The following CACNA1B variants were observed in gnomAD, a reference collection of about 807,000 sequenced individuals.
The protein encoded by CACNA1B is calcium voltage-gated channel subunit alpha1 B, also known as voltage-dependent N-type calcium channel subunit alpha-1B.
Under a neutral mutation model 247.2 loss-of-function variants are expected in CACNA1B, and 70 were observed. The ratio of observed to expected loss-of-function variants is 0.28; its 90% CI spans 0.23 to 0.35. CACNA1B has a LOEUF of 0.35. Among genes scored for constraint, CACNA1B ranks in the 10% least tolerant of loss-of-function variants. The pLI is 1.00. For synonymous variants in CACNA1B, 1,231 were observed against 1,294.4 expected (o/e 0.95, Z 1.05); for missense variants, 2,367 against 3,197.4 (o/e 0.74, Z 6.26).
chr9:137,934,452 C>T (rs983148865), intron 6 of CACNA1B, among the ~76,000 whole-genome samples: 22 of 152,184 alleles, frequency 1.4e-4, no homozygotes, highest in African/African-American at 4.8e-4. Context: ...AGTTCCCACT[C>T]GGATGGCCAG....
At position 137,957,095 on chromosome 9, in the gene CACNA1B, ACCTGGGGCCATGAGAGGGAG is replaced by A. The variant is rs1957958091; in HGVS notation, c.1243+271_1243+290del. On this transcript the variant is annotated intron_variant, in intron 9 of 46. Transcript: ENST00000371372. This position sits in a 1 kb window ranked among gnomAD's most constrained non-coding sequence, Gnocchi z 4.7. ...AGACCATGGGAGGGCTCATGGCACA[ACCTGGGGCCATGAGAGGGAG>A]CCCGGGCCCCACTGCTGTGGTTGCT... Among the ~76,000 whole-genome samples, 1 of 152,168 alleles carries A rather than the reference ACCTGGGGCCATGAGAGGGAG, an allele frequency of 6.6e-6. No individual in the cohort carries two copies. Among genetic ancestry groups the A allele is most frequent in the Non-Finnish European group, 1.5e-5 (1 of 68,012 alleles).
Position 137,950,718 on chromosome 9 carries a change from T to C in CACNA1B, c.967-1556T>C, listed in dbSNP as rs965458588. Among the ~76,000 whole-genome samples, 1 of 152,200 alleles carries C rather than the reference T, an allele frequency of 6.6e-6. No individual in the cohort carries two copies. The highest frequency in any genetic ancestry group is 2.4e-5 in the African/African-American group (1 of 41,458). ...CTTGGGCATTTCCAAATTTTAGGCT[T>C]CAGCAGCTCCAAATGTGGGATATAA... On this transcript the variant is annotated intron_variant, in intron 6 of 46. Transcript: ENST00000371372. The surrounding 1 kb of genome is among the most constrained non-coding windows in gnomAD (Gnocchi z 4.8).
intron 6 of CACNA1B, among the ~76,000 whole-genome samples, chr9:137,942,610 A>T (rs749743391): frequency 6.6e-6 from 1 of 152,146 alleles, no homozygotes; most frequent in Non-Finnish European, 1.5e-5. Flanking sequence ...AGAAACTGTG[A>T]TATATATATG....
At chr9:137,916,200 T>G (rs1323058838) in intron 5 of CACNA1B, among the ~76,000 whole-genome samples, 3 of 151,978 alleles carry the variant, frequency 2.0e-5, no homozygotes, top group African/African-American at 7.3e-5. Context: ...GCCCAGCTAA[T>G]TTTTTGTATT....
chr9:138,110,422 A>T (rs527438895), intron 39 of CACNA1B, among the ~76,000 whole-genome samples: 1 of 152,188 alleles, frequency 6.6e-6, no homozygotes, highest in African/African-American at 2.4e-5. Flanking sequence ...ACCACAAAAG[A>T]TATTTTTAAA....
chr9:138,032,920 C>A, intron 20 of CACNA1B: 1 of 301,124 alleles, frequency 3.3e-6, no homozygotes, highest in Non-Finnish European at 6.4e-6. Flanking sequence ...AGGTTTATAT[C>A]TTTTGCCAAA....
At chr9:137,915,316 C>T (rs895211083) in intron 5 of CACNA1B, among the ~76,000 whole-genome samples, 5 of 152,202 alleles carry the variant, frequency 3.3e-5, no homozygotes, top group East Asian at 1.9e-4. Flanking sequence ...TCTGATCATT[C>T]GGGCTGCTCC....
chr9:138,056,389 G>A (rs1042539665), intron 26 of CACNA1B, among the ~76,000 whole-genome samples: 3 of 152,184 alleles, frequency 2.0e-5, no homozygotes, highest in Admixed American at 6.5e-5. Context: ...GTTTGTCCAC[G>A]CAGTGGCTTG....
chr9:137,954,799 C>T lies in CACNA1B; in HGVS notation c.1071-899C>T, dbSNP rs967150562. Among the ~76,000 whole-genome samples, 7 of 150,976 alleles carry T rather than the reference C, an allele frequency of 4.6e-5. No homozygotes were observed. The highest frequency in any genetic ancestry group is 8.8e-5 in the Non-Finnish European group (6 of 67,908). On this transcript the variant is annotated intron_variant, in intron 7 of 46. Transcript: ENST00000371372. The surrounding 1 kb of genome is among the most constrained non-coding windows in gnomAD (Gnocchi z 4.1). ...CGGTCAGAGCCGGGGATTGTTGCACCGGGGCTGTGTGTGCTGGGAGTCATA... is the reference window on the plus strand; with the variant it reads ...CGGTCAGAGCCGGGGATTGTTGCACTGGGGCTGTGTGTGCTGGGAGTCATA...
chr9:137,965,775 A>G (rs1958068769), intron 10 of CACNA1B, among the ~76,000 whole-genome samples: 2 of 152,158 alleles, frequency 1.3e-5, no homozygotes, highest in Non-Finnish European at 2.9e-5. Flanking sequence ...TAGTAGAGAC[A>G]GGGTTTCACC....
chr9:138,002,258 A>G (rs751773100), intron 15 of CACNA1B, among the ~76,000 whole-genome samples: 3 of 152,218 alleles, frequency 2.0e-5, no homozygotes, highest in Non-Finnish European at 4.4e-5. Flanking sequence ...TTGGAAATCA[A>G]TGGAGGAAGG....
At position 137,955,838 on chromosome 9, in the gene CACNA1B, A is replaced by G. The variant is rs200012947; in HGVS notation, c.1186+25A>G. The stretch of plus-strand genomic sequence containing the variant: ...GGTGAGGGCCCGTGGGAGCCACTGC[A>G]CTCCTGGCCGGCCACTGTTAGTTCT... On this transcript the variant is annotated intron_variant, in intron 8 of 46. Coordinates refer to ENST00000371372, the MANE Select transcript of CACNA1B (RefSeq NM_000718.4). The surrounding 1 kb of genome is among the most constrained non-coding windows in gnomAD (Gnocchi z 6.9). 15 of 1,440,564 alleles carry G rather than the reference A, an allele frequency of 1.0e-5. No homozygotes were observed. The highest frequency in any genetic ancestry group is 1.4e-5 in the Non-Finnish European group (15 of 1,038,302). 89.2% of individuals were successfully genotyped at this position (1,440,564 alleles called of 1,614,324 possible).
At chr9:137,998,419 G>T (rs1405081200) in intron 15 of CACNA1B, among the ~76,000 whole-genome samples, 11 of 151,984 alleles carry the variant, frequency 7.2e-5, no homozygotes, top group Non-Finnish European at 1.5e-4. Context: ...GAGACCAGCT[G>T]GCCTACATGG....
intron 36 of CACNA1B, among the ~76,000 whole-genome samples, chr9:138,095,037 G>A (rs1049565257): frequency 6.6e-6 from 1 of 152,142 alleles, no homozygotes; most frequent in Non-Finnish European, 1.5e-5. Flanking sequence ...TAAATCTTCA[G>A]GACCTCAGAA....
intron 23 of CACNA1B, 106 bp downstream of exon 23, chr9:138,047,564 A>C: frequency 1.3e-6 from 1 of 771,822 alleles, no homozygotes; most frequent in South Asian, 1.5e-5. Context: ...TAAACTCTTA[A>C]GACATATGGT....
At chr9:138,117,148 G>A (rs1169534913) in intron 42 of CACNA1B, among the ~76,000 whole-genome samples, 1 of 152,244 alleles carries the variant, frequency 6.6e-6, no homozygotes, top group Non-Finnish European at 1.5e-5. Flanking sequence ...GGAGATAAGT[G>A]ATGAGAAATA....
chr9:137,932,475 T>G (rs1957618892), intron 6 of CACNA1B, among the ~76,000 whole-genome samples: 1 of 152,214 alleles, frequency 6.6e-6, no homozygotes, highest in South Asian at 2.1e-4. Flanking sequence ...TTTTCTATGG[T>G]GAACACATGG....
intron 6 of CACNA1B, among the ~76,000 whole-genome samples, chr9:137,937,896 A>G (rs1365872597): frequency 2.1e-5 from 3 of 144,104 alleles, no homozygotes; most frequent in Non-Finnish European, 4.5e-5. Flanking sequence ...GTGGTGAGCC[A>G]AGATCGCACC....
rs1957861754 is a variant in CACNA1B, at chr9:137,950,071, G to A, written c.967-2203G>A. On this transcript the variant is annotated intron_variant, in intron 6 of 46. Transcript: ENST00000371372. The surrounding 1 kb of genome is among the most constrained non-coding windows in gnomAD (Gnocchi z 4.8). ...TTCTGCGTTGGCTGTCAGGGAAGGAGGAGGGCTGCTGTCTTGTTGCCGGTG... is the reference window on the plus strand; with the variant it reads ...TTCTGCGTTGGCTGTCAGGGAAGGAAGAGGGCTGCTGTCTTGTTGCCGGTG... 6.6e-6 allele frequency among the ~76,000 whole-genome samples: 1 copy of A among 152,200 alleles called. No individual in the cohort carries two copies. The highest frequency in any genetic ancestry group is 1.5e-5 in the Non-Finnish European group (1 of 68,038).
Sources: gnomAD v4.1 joint callset for allele counts (sites outside exome capture counted in the v4.1 genomes callset) on GRCh38, gnomAD v4.1.1 for gene constraint, Gnocchi (gnomAD v3.1) non-coding constraint, MANE v1.5 for transcripts, NCBI Gene and HGNC (gene_info 2026-07-23, HGNC 2026-07-21) for gene names.